Variants in LRP1B observed in about 807,000 individuals in gnomAD.
LRP1B encodes the protein LDL receptor related protein 1B.
Under a neutral mutation model 556.6 loss-of-function variants are expected in LRP1B, and 217 were observed. The observed-to-expected ratio is 0.39, with a 90% confidence interval of 0.35 to 0.44. The LOEUF (loss-of-function observed/expected upper bound fraction) is 0.44. LRP1B is among the 20% of genes least tolerant of loss of function. The probability of loss-of-function intolerance (pLI) is 1.00; values close to 1 mark genes in which losing one functional copy is unlikely to be tolerated. For missense variants in LRP1B, 5,053 were observed against 5,620.8 expected (o/e 0.90, Z 3.23); for synonymous variants, 2,047 against 1,865.8 (o/e 1.10, Z -2.50).
chr2:141,932,101 C>T (rs982555026), intron 1 of LRP1B, among the ~76,000 whole-genome samples: 1 of 151,934 alleles, frequency 6.6e-6, no homozygotes, highest in South Asian at 2.1e-4. Flanking sequence ...TACCTCATTT[C>T]TTTGAATGAG....
chr2:141,242,170 G>A (rs1683901085), intron 5 of LRP1B, among the ~76,000 whole-genome samples: 1 of 152,014 alleles, frequency 6.6e-6, no homozygotes, highest in Non-Finnish European at 1.5e-5. Flanking sequence ...TTACTCAGTG[G>A]CTGATAAGAA....
At chr2:142,019,655 A>C (rs887124833) in intron 1 of LRP1B, among the ~76,000 whole-genome samples, 1 of 151,526 alleles carries the variant, frequency 6.6e-6, no homozygotes, top group Non-Finnish European at 1.5e-5. Context: ...CCTGCTCAAA[A>C]CTCTCCAATG....
chr2:140,844,463 A>G (rs781238916), intron 29 of LRP1B, among the ~76,000 whole-genome samples: 6 of 152,112 alleles, frequency 3.9e-5, no homozygotes, highest in African/African-American at 9.7e-5. Context: ...CTTTTTGACT[A>G]TCAATCACTA....
In LRP1B at chr2:140,289,729, C is replaced by T. The variant is rs569980698; in HGVS notation, c.12967+8079G>A. ...CTGACAATTTTTTTGAAATAATCTA[C>T]GGTAAAAGAATAACTAAAATAATTA... On this transcript the variant is annotated intron_variant, in intron 84 of 90. Transcript: ENST00000389484. 9.9e-5 allele frequency among the ~76,000 whole-genome samples: 15 copies of T among 151,614 alleles called. No individual in the cohort carries two copies. The East Asian group carries it at 1.6e-3, about 16-fold the overall frequency.
At chr2:140,424,433 T>C (rs1685572617) in intron 66 of LRP1B, among the ~76,000 whole-genome samples, 1 of 152,354 alleles carries the variant, frequency 6.6e-6, no homozygotes, top group South Asian at 2.1e-4. Context: ...AGCTGTGGCC[T>C]AAATTTGCCA....
At chr2:142,090,406 C>T (rs2104948298) in intron 1 of LRP1B, among the ~76,000 whole-genome samples, 1 of 152,100 alleles carries the variant, frequency 6.6e-6, no homozygotes, top group South Asian at 2.1e-4. Flanking sequence ...CCATCTCAAC[C>T]GCAATACTCT....
chr2:140,251,753 T>C (rs1681427238), intron 86 of LRP1B, among the ~76,000 whole-genome samples: 1 of 151,750 alleles, frequency 6.6e-6, no homozygotes, highest in South Asian at 2.1e-4. Flanking sequence ...CATGGTGTCA[T>C]GCATGTCTCA....
chr2:141,483,626 T>C (rs1189377523), intron 2 of LRP1B, among the ~76,000 whole-genome samples: 2 of 151,746 alleles, frequency 1.3e-5, no homozygotes, highest in Non-Finnish European at 2.9e-5. Flanking sequence ...CAGCACCTGT[T>C]GTTTCCTGAC....
chr2:140,851,596 A>C, intron 28 of LRP1B, 56 bp downstream of exon 28: 1 of 1,571,534 alleles, frequency 6.4e-7, no homozygotes, highest in African/African-American at 1.4e-5. Context: ...ATGCTAATAT[A>C]ATTTGAGAGA....
At chr2:141,934,134 A>T (rs956497442) in intron 1 of LRP1B, among the ~76,000 whole-genome samples, 7 of 152,170 alleles carry the variant, frequency 4.6e-5, no homozygotes, top group Non-Finnish European at 8.8e-5. Flanking sequence ...GATATGAAAA[A>T]TATTGCTTTT....
chr2:140,334,532 A>C lies in LRP1B; in HGVS notation c.12144T>G (p.Asp4048Glu). 1 of 1,600,072 alleles carries C rather than the reference A, an allele frequency of 6.2e-7. No individual in the cohort carries two copies. The highest frequency in any genetic ancestry group is 2.2e-5 in the East Asian group (1 of 44,574). The change falls in exon 79 of 91, where the codon GAT becomes GAG. Residue 4048 changes from aspartate (D) to glutamate (E), a missense_variant. Physicochemically the swap from Asp to Glu is conservative, Grantham distance 45. Transcript: ENST00000389484. ...TGGCTGCTTCTTCTATATGGGAATG[A>C]TCCCCAACAACAGTCCAGTACATCA... The part of the protein sequence containing the change: ...RGMMYWTVVG[D>E]HSHIEEAAMD...
intron 3 of LRP1B, among the ~76,000 whole-genome samples, chr2:141,390,971 A>G (rs1690028764): frequency 6.6e-6 from 1 of 152,230 alleles, no homozygotes; most frequent in Non-Finnish European, 1.5e-5. Flanking sequence ...AGAGCAAATC[A>G]TATCCTTCAC....
At chr2:140,683,644 C>A (rs1031789912) in intron 41 of LRP1B, 2 of 692,526 alleles carry the variant, frequency 2.9e-6, no homozygotes, top group African/African-American at 1.8e-5. Context: ...GTATTCCATC[C>A]GAGTCCTCCG....
At chr2:141,068,470 G>A (rs931426962) in intron 7 of LRP1B, among the ~76,000 whole-genome samples, 5 of 151,060 alleles carry the variant, frequency 3.3e-5, no homozygotes, top group African/African-American at 1.2e-4. Context: ...AGAGAAAGCC[G>A]GCCACCTCAC....
intron 2 of LRP1B, among the ~76,000 whole-genome samples, chr2:141,590,797 T>C (rs559380785): frequency 6.6e-6 from 1 of 152,244 alleles, no homozygotes; most frequent in South Asian, 2.1e-4. Flanking sequence ...CGTAAAATCA[T>C]TGCCACATGA....
At chr2:140,453,470 G>T (rs897073499) in intron 62 of LRP1B, among the ~76,000 whole-genome samples, 1 of 151,748 alleles carries the variant, frequency 6.6e-6, no homozygotes, top group Non-Finnish European at 1.5e-5. Context: ...TGTTCTCTAA[G>T]ACTAATATCA....
rs528161552 is a variant in LRP1B at position 141,821,974 on chromosome 2, T to G, written c.83-11573A>C. ...ATTTTCAGGGAGAATGTAGGGATTT[T>G]GTTCCTTAATCATTGAAACACTGGT... On this transcript the variant is annotated intron_variant, in intron 1 of 90. Transcript: ENST00000389484. Among the ~76,000 whole-genome samples the G allele has an allele frequency of 3.3e-5, 5 of 152,208 alleles. No homozygotes were observed. In the East Asian group the frequency reaches 9.7e-4, roughly 29 times the overall value.
At chr2:140,841,532 A>C (rs571011869) in intron 29 of LRP1B, among the ~76,000 whole-genome samples, 2 of 152,182 alleles carry the variant, frequency 1.3e-5, no homozygotes, top group African/African-American at 4.8e-5. Context: ...AAATGAAATA[A>C]AACAATTCAA....
chr2:141,033,249 G>A (rs1356210969), intron 11 of LRP1B, among the ~76,000 whole-genome samples: 1 of 151,908 alleles, frequency 6.6e-6, no homozygotes, highest in African/African-American at 2.4e-5. Context: ...GCAAGGGAGG[G>A]GAGGAACAGT....
Sources: allele counts gnomAD v4.1 joint callset (sites outside exome capture counted in the v4.1 genomes callset), GRCh38; gene constraint gnomAD v4.1.1; transcripts MANE v1.5; gene names NCBI Gene and HGNC (gene_info 2026-07-23, HGNC 2026-07-21).